The following IVNS1ABP variants were observed in gnomAD, a reference collection of about 807,000 sequenced individuals.
IVNS1ABP encodes influenza virus NS1A binding protein, also known as influenza virus NS1A-binding protein.
A neutral mutation model predicts 78.9 loss-of-function variants in IVNS1ABP; 25 were observed. The observed-to-expected ratio is 0.32, with a 90% CI of 0.23 to 0.44. The LOEUF is 0.44. IVNS1ABP is among the 20% of genes least tolerant of loss of function. The pLI is 1.00. For missense variants in IVNS1ABP, 494 were observed against 768.9 expected, an observed-to-expected ratio of 0.64 and a Z score of 4.23; for synonymous variants, 241 against 259.7, an observed-to-expected ratio of 0.93 and a Z score of 0.69.
chr1:185,308,292 A>G (rs911506823), intron 5 of IVNS1ABP, among the ~76,000 whole-genome samples: 1 of 152,196 alleles, frequency 6.6e-6, no homozygotes, highest in Non-Finnish European at 1.5e-5. Flanking sequence ...AGTGTAGACC[A>G]TATGTAAATG....
At chr1:185,307,246 C>T in intron 6 of IVNS1ABP, 107 bp from the exon 7 acceptor site, 2 of 1,333,252 alleles carry the variant, frequency 1.5e-6, no homozygotes, top group Non-Finnish European at 2.1e-6. Context: ...TCATTCCATA[C>T]ATTTACTCTA....
At position 185,297,388 on chromosome 1, in the gene IVNS1ABP, T is replaced by G. The variant is rs1665446614; in HGVS notation, c.*647A>C. The G allele has an allele frequency of 6.6e-6, 1 of 151,838 alleles. No individual in the cohort carries two copies. Among genetic ancestry groups the G allele is most frequent in the South Asian group, 2.1e-4 (1 of 4,810 alleles). The allele number at this position is 151,838 out of a possible 1,614,324, so 9.4% of individuals were successfully genotyped here. On this transcript the variant is annotated 3_prime_UTR_variant, in exon 15 of 15. Transcript: ENST00000367498. ...AGAACTCTGAAGTTTGCACTCAGAGTTTAAAAGACAGACCCCTACTCTGCA... is the reference window on the plus strand; with the variant it reads ...AGAACTCTGAAGTTTGCACTCAGAGGTTAAAAGACAGACCCCTACTCTGCA...
Position 185,298,013 on chromosome 1 carries a change from G to GT in IVNS1ABP, c.*21dup. ...CATAATTACATCACTAAGCCTGTTA[G>GT]TTTGAGAGGGTCTTAAATTTGTTAA... On this transcript the variant is annotated 3_prime_UTR_variant, in exon 15 of 15. Coordinates refer to ENST00000367498, the MANE Select transcript of IVNS1ABP (RefSeq NM_006469.5). This position sits in a 1 kb window ranked among gnomAD's most constrained non-coding sequence, Gnocchi z 4.1. 1 of 1,609,364 alleles carries GT rather than the reference G, an allele frequency of 6.2e-7. No homozygotes were observed. Among genetic ancestry groups the GT allele is most frequent in the Non-Finnish European group, 8.5e-7 (1 of 1,177,070 alleles).
intron 14 of IVNS1ABP, chr1:185,299,478 C>G: frequency 1.9e-6 from 1 of 536,990 alleles, no homozygotes; most frequent in East Asian, 3.1e-5. Context: ...GAAATTCACT[C>G]AGTGCACCCA....
intron 5 of IVNS1ABP, among the ~76,000 whole-genome samples, chr1:185,308,262 C>T (rs952926485): frequency 2.0e-5 from 3 of 152,136 alleles, no homozygotes; most frequent in Non-Finnish European, 2.9e-5. Flanking sequence ...TGCTCAATTC[C>T]GTCACTGTAG....
In IVNS1ABP at chr1:185,307,542, G is replaced by A. The variant is rs749863517; in HGVS notation, c.478C>T (p.His160Tyr). The change falls in exon 6 of 15, where the codon CAT (histidine) becomes TAT (tyrosine). Residue 160 changes from histidine (H) to tyrosine (Y), a missense_variant. Physicochemically the swap from His to Tyr is moderately conservative, Grantham distance 83. Coordinates refer to ENST00000367498, the MANE Select transcript of IVNS1ABP (RefSeq NM_006469.5). ...LNKVDAYIQE[H>Y]LLQISEEEEF... ...TCCTCTTCAGAAATTTGTAACAAAT[G>A]CTCCTGAATATAAGCATCAACCTTA... 6.2e-7 allele frequency: 1 copy of A among 1,613,412 alleles called. No individual in the cohort carries two copies. Among genetic ancestry groups the A allele is most frequent in the Admixed American group, 1.7e-5 (1 of 59,960 alleles).
rs181151254 is a variant in IVNS1ABP, at chr1:185,299,426, G to C, written c.1675+284C>G. 155 of 397,852 alleles carry C rather than the reference G, an allele frequency of 3.9e-4. 1 individual carries two copies. In the East Asian group the frequency reaches 6.6e-3, roughly 17 times the overall value. 24.6% of individuals were successfully genotyped at this position (397,852 alleles called of 1,614,324 possible). ...AAAGAAGGGGAAACTCAAAATTCAA[G>C]ATGATGCATTAAGGATATGTTTTAT... On this transcript the variant is annotated intron_variant, in intron 14 of 14. Coordinates refer to ENST00000367498, the MANE Select transcript of IVNS1ABP (RefSeq NM_006469.5).
chr1:185,306,848 A>C (rs1350416070), intron 7 of IVNS1ABP, 166 bp downstream of exon 7: 11 of 787,654 alleles, frequency 1.4e-5, no homozygotes, highest in Non-Finnish European at 2.0e-5. Context: ...TGAACAGTTC[A>C]TTCAGCTCAC....
rs1056961141 is a variant in IVNS1ABP at position 185,296,697 on chromosome 1, C to T, written c.*1338G>A. The T allele has an allele frequency of 2.0e-5, 3 of 151,998 alleles. No individual in the cohort carries two copies. The highest frequency in any genetic ancestry group is 4.8e-5 in the African/African-American group (2 of 41,408). The allele number at this position is 151,998 out of a possible 1,614,324, so 9.4% of individuals were successfully genotyped here. On this transcript the variant is annotated 3_prime_UTR_variant, in exon 15 of 15. Transcript: ENST00000367498. ...TGAATAGTCATCTCAGAATAGTCAC[C>T]TCATCCCAGTTGGCCCATTAGGTTC...
chr1:185,307,841 T>C lies in IVNS1ABP; in HGVS notation c.358-179A>G, dbSNP rs1392764933. 7 of 1,263,088 alleles carry C rather than the reference T, an allele frequency of 5.5e-6. No homozygotes were observed. The East Asian group carries it at 1.5e-4, about 28-fold the overall frequency. The allele number at this position is 1,263,088 out of a possible 1,614,324, so 78.2% of individuals were successfully genotyped here. A position where few individuals can be genotyped will look rare whatever the true frequency, so the allele number is the denominator to read the frequency against. On this transcript the variant is annotated intron_variant, in intron 5 of 14. Transcript: ENST00000367498. Reference sequence around the variant, plus strand: ...AAATGATAAACATCTAATTATGCCATACAGATATGTAAGTTTTAGTTTAAG... The same window carrying C: ...AAATGATAAACATCTAATTATGCCACACAGATATGTAAGTTTTAGTTTAAG...
At chr1:185,311,743 C>T (rs1475935630) in intron 1 of IVNS1ABP, among the ~76,000 whole-genome samples, 1 of 152,144 alleles carries the variant, frequency 6.6e-6, no homozygotes, top group African/African-American at 2.4e-5. Context: ...GTTACTGTTC[C>T]TCAAAATGAA....
chr1:185,305,021 T>C lies in IVNS1ABP; in HGVS notation c.765+515A>G, dbSNP rs1348803903. 3.3e-5 allele frequency among the ~76,000 whole-genome samples: 5 copies of C among 152,190 alleles called. No homozygotes were observed. Among genetic ancestry groups the C allele is most frequent in the Non-Finnish European group, 7.4e-5 (5 of 68,018 alleles). On this transcript the variant is annotated intron_variant, in intron 8 of 14. Coordinates refer to ENST00000367498, the MANE Select transcript of IVNS1ABP (RefSeq NM_006469.5). This position sits in a 1 kb window ranked among gnomAD's most constrained non-coding sequence, Gnocchi z 4.0. The stretch of plus-strand genomic sequence containing the variant: ...GAACTCTACTATATTTTAATTCATC[T>C]TGGTTAAAGAAACATCTAGATCAGG...
chr1:185,309,791 TGAAGG>T (rs151087648), intron 2 of IVNS1ABP, among the ~76,000 whole-genome samples: 5 of 152,094 alleles, frequency 3.3e-5, no homozygotes, highest in Non-Finnish European at 7.3e-5. Context: ...AAATTCATTC[TGAAGG>T]GAAGGGAAGG....
At chr1:185,301,299 T>C in intron 9 of IVNS1ABP, 103 bp from the exon 10 acceptor site, 1 of 1,410,460 alleles carries the variant, frequency 7.1e-7, no homozygotes, top group Non-Finnish European at 9.8e-7. Flanking sequence ...ACTGGAACAA[T>C]CTGCTCTCGT....
At chr1:185,315,867 C>G (rs1389133330) in intron 1 of IVNS1ABP, among the ~76,000 whole-genome samples, 1 of 152,210 alleles carries the variant, frequency 6.6e-6, no homozygotes, top group South Asian at 2.1e-4. Flanking sequence ...ACGACACACT[C>G]AACGAACAGC....
Position 185,317,167 on chromosome 1 carries a change from C to T in IVNS1ABP, c.-461G>A. The T allele has an allele frequency of 2.5e-6, 1 of 398,458 alleles. No homozygotes were observed. 24.7% of individuals were successfully genotyped at this position (398,458 alleles called of 1,614,324 possible). A position where few individuals can be genotyped will look rare whatever the true frequency, so the allele number is the denominator to read the frequency against. On this transcript the variant is annotated 5_prime_UTR_variant, in exon 1 of 15. Transcript: ENST00000367498. ...GAACTCGCTCGCTCGCCGATACAGC[C>T]GCGCCGAAGCAGCAGGCGGAGAAAC...
chr1:185,315,599 C>T (rs1301260263), intron 1 of IVNS1ABP, among the ~76,000 whole-genome samples: 1 of 152,194 alleles, frequency 6.6e-6, no homozygotes, highest in Non-Finnish European at 1.5e-5. Context: ...AGTCTCAATT[C>T]AATTCTAAAG....
chr1:185,299,742 G>A lies in IVNS1ABP; in HGVS notation c.1643C>T (p.Ala548Val), dbSNP rs747962823. The change falls in exon 14 of 15, where the codon GCT (alanine) becomes GTT (valine). Residue 548 changes from alanine to valine, a missense_variant. By Grantham distance (64) the Ala-to-Val change is moderately conservative (BLOSUM62 0). Coordinates refer to ENST00000367498, the MANE Select transcript of IVNS1ABP (RefSeq NM_006469.5). ...TWTLIAPMNV[A>V]RRGAGVAVLN... ...AACAGCCACTCCAGCTCCTCGCCTAGCCACATTCATGGGTGCAATTAAAGT... is the reference window on the plus strand; with the variant it reads ...AACAGCCACTCCAGCTCCTCGCCTAACCACATTCATGGGTGCAATTAAAGT... 2.5e-6 allele frequency: 4 copies of A among 1,613,644 alleles called. No homozygotes were observed. The South Asian group carries it at 3.3e-5, about 13-fold the overall frequency.
intron 8 of IVNS1ABP, among the ~76,000 whole-genome samples, chr1:185,304,618 A>T (rs751242462): frequency 2.6e-5 from 4 of 152,194 alleles, no homozygotes; most frequent in Non-Finnish European, 5.9e-5. Flanking sequence ...GCTAAAGGCC[A>T]AATAAAAATA....
Sources: allele counts gnomAD v4.1 joint callset (sites outside exome capture counted in the v4.1 genomes callset), GRCh38; gene constraint gnomAD v4.1.1; non-coding constraint Gnocchi (gnomAD v3.1); transcripts MANE v1.5; gene names NCBI Gene and HGNC (gene_info 2026-07-23, HGNC 2026-07-21).